OSBPL5: variants seen among roughly 807,000 people sequenced by gnomAD.
The protein encoded by OSBPL5 is oxysterol binding protein like 5, also known as oxysterol-binding protein-related protein 5.
A neutral mutation model predicts 111.2 loss-of-function variants in OSBPL5; 71 were observed. The observed-to-expected ratio is 0.64, with a 90% CI of 0.53 to 0.78. The LOEUF is 0.78. OSBPL5 is among the 30% of genes least tolerant of loss of function. The pLI is 0.00. For missense variants in OSBPL5, 1,210 were observed against 1,189.3 expected, an observed-to-expected ratio of 1.02 and a Z score of -0.26; for synonymous variants, 549 against 513.9, an observed-to-expected ratio of 1.07 and a Z score of -0.93.
At chr11:3,114,029 G>A (rs902450697) in intron 7 of OSBPL5, among the ~76,000 whole-genome samples, 4 of 152,002 alleles carry the variant, frequency 2.6e-5, no homozygotes, top group Admixed American at 6.6e-5. Context: ...AATGTAATAG[G>A]ACAAATACTT....
rs1857588723 is a variant in OSBPL5 at position 3,103,853 on chromosome 11, AGT to A, written c.1244+338_1244+339del. ...CTTCCAGCCTCTGCAGCCCCTTTCC[AGT>A]CTGCGCAGCCCCCTTCCTGCCTCTG... On this transcript the variant is annotated intron_variant, in intron 10 of 21. Coordinates refer to ENST00000263650, the MANE Select transcript of OSBPL5 (RefSeq NM_020896.4). Among the ~76,000 whole-genome samples, 2 of 48,794 alleles carry A rather than the reference AGT, an allele frequency of 4.1e-5. 1 individual carries two copies. The highest frequency in any genetic ancestry group is 4.4e-4 in the Admixed American group (2 of 4,504). 32.0% of individuals were successfully genotyped at this position (48,794 alleles called of 152,430 possible).
At position 3,161,585 on chromosome 11, in the gene OSBPL5, C is replaced by G. The variant is rs1846968659; in HGVS notation, c.-22+3631G>C. ...CAGCCCCTGGGAAGAGAGCCCGGAG[C>G]AGACTTGCAGGCAACCGTGCATGGG... On this transcript the variant is annotated intron_variant, in intron 1 of 21. Transcript: ENST00000263650. This position sits in a 1 kb window ranked among gnomAD's most constrained non-coding sequence, Gnocchi z 8.0. Among the ~76,000 whole-genome samples the G allele has an allele frequency of 6.6e-6, 1 of 152,210 alleles. No individual in the cohort carries two copies. The highest frequency in any genetic ancestry group is 1.5e-5 in the Non-Finnish European group (1 of 68,036).
chr11:3,125,563 T>C (rs941523239), intron 3 of OSBPL5, among the ~76,000 whole-genome samples: 1 of 152,174 alleles, frequency 6.6e-6, no homozygotes, highest in African/African-American at 2.4e-5. Context: ...CCCAGCACTT[T>C]GGGAGGCCGA....
At chr11:3,149,309 G>A (rs1386882082) in intron 1 of OSBPL5, among the ~76,000 whole-genome samples, 1 of 152,078 alleles carries the variant, frequency 6.6e-6, no homozygotes, top group Non-Finnish European at 1.5e-5. Context: ...GGCATGGGCT[G>A]GGGGGGCAGT....
At position 3,103,282 on chromosome 11, in the gene OSBPL5, A is replaced by G. The variant is rs891431344; in HGVS notation, c.1283T>C (p.Leu428Pro). The G allele has an allele frequency of 1.2e-6, 2 of 1,608,618 alleles. No individual in the cohort carries two copies. The highest frequency in any genetic ancestry group is 1.7e-6 in the Non-Finnish European group (2 of 1,177,636). ...GCCAGACAGGTACCACCGCAGCACC[A>G]GCTTCATGCGGCTGTAGGCATCCTC... ...VEEDAYSRMK[L>P]VLRWYLSGFY... is the part of the protein sequence containing the mutation. Residue 428 changes from leucine to proline, a missense_variant, in exon 11 of 22, where the codon CTG becomes CCG. Leu to Pro is a moderately conservative substitution (Grantham distance 98). Coordinates refer to ENST00000263650, the MANE Select transcript of OSBPL5 (RefSeq NM_020896.4).
At position 3,103,319 on chromosome 11, in the gene OSBPL5, C is replaced by T; in HGVS notation, c.1246G>A (p.Ala416Thr). The change falls in exon 11 of 22, where the codon GCT becomes ACT. Residue 416 changes from alanine to threonine, a missense_variant and splice_region_variant. Coordinates refer to ENST00000263650, the MANE Select transcript of OSBPL5 (RefSeq NM_020896.4). ...CTGTAGGCATCCTCCTCCACCGCAG[C>T]CCTGCCATGGGGCAGGAGAACGCTG... ...YYYHADLLSR[A>T]AVEEDAYSRM... The T allele has an allele frequency of 6.2e-7, 1 of 1,604,198 alleles. No individual in the cohort carries two copies. Among genetic ancestry groups the T allele is most frequent in the Non-Finnish European group, 8.5e-7 (1 of 1,175,132 alleles).
chr11:3,119,577 G>C lies in OSBPL5; in HGVS notation c.661C>G (p.Leu221Val). The change falls in exon 7 of 22, where the codon CTG becomes GTG. Residue 221 changes from leucine (L) to valine (V), a missense_variant. Transcript: ENST00000263650. ...SITQPLPSSY[L>V]IFRAASESDG... is the part of the protein sequence containing the mutation. ...GACTCGGAGGCGGCCCTGAAGATCA[G>C]GTAGCTGCTGGGCAGGGGCTGTGTG... The C allele has an allele frequency of 6.3e-7, 1 of 1,579,024 alleles. No homozygotes were observed. The highest frequency in any genetic ancestry group is 8.6e-7 in the Non-Finnish European group (1 of 1,167,238).
At chr11:3,090,341 C>T (rs376854095) in intron 20 of OSBPL5, among the ~76,000 whole-genome samples, 42 of 152,172 alleles carry the variant, frequency 2.8e-4, no homozygotes, top group African/African-American at 1.0e-3. Flanking sequence ...TCCCTTTCTT[C>T]CCCACCCCCA....
intron 19 of OSBPL5, 49 bp from the exon 20 acceptor site, chr11:3,090,745 C>T (rs1387538201): frequency 1.9e-6 from 3 of 1,551,658 alleles, no homozygotes; most frequent in East Asian, 4.7e-5. Context: ...ACGCCCCCTG[C>T]CCAGGCCCCA....
chr11:3,098,042 C>T (rs1239240026), intron 14 of OSBPL5, among the ~76,000 whole-genome samples: 2 of 151,890 alleles, frequency 1.3e-5, no homozygotes, highest in Non-Finnish European at 2.9e-5. Flanking sequence ...CACTCCAGCC[C>T]GGGCAACAAG....
At chr11:3,134,987 T>A (rs1292670819) in intron 1 of OSBPL5, among the ~76,000 whole-genome samples, 1 of 152,154 alleles carries the variant, frequency 6.6e-6, no homozygotes, top group East Asian at 1.9e-4. Context: ...GGCCCCCCTT[T>A]CTCTGCACCC....
At chr11:3,125,588 G>A (rs1012270903) in intron 3 of OSBPL5, among the ~76,000 whole-genome samples, 1 of 152,164 alleles carries the variant, frequency 6.6e-6, no homozygotes, top group Non-Finnish European at 1.5e-5. Flanking sequence ...GGTGGATCAT[G>A]AGGTCAGGAG....
In OSBPL5 at chr11:3,088,316, C is replaced by G. The variant is rs139072483; in HGVS notation, c.2529G>C (p.Thr843=). The change falls in exon 22 of 22, where the codon ACG becomes ACC. Residue 843 remains threonine, a synonymous_variant. Transcript: ENST00000263650. The stretch of plus-strand genomic sequence containing the variant: ...GGGTCGGTGCCTGTGCTGCCCGTGC[C>G]GTGGAGCTCAGCATGGCCGAGAGGT... ...HRHLSAMLSS[T]ARAAQAPTPG... 6.3e-7 allele frequency: 1 copy of G among 1,596,738 alleles called. No homozygotes were observed. Among genetic ancestry groups the G allele is most frequent in the Non-Finnish European group, 8.5e-7 (1 of 1,173,106 alleles).
intron 7 of OSBPL5, 88 bp downstream of exon 7, chr11:3,119,459 G>C: frequency 7.4e-7 from 1 of 1,344,794 alleles, no homozygotes; most frequent in East Asian, 2.7e-5. Context: ...GACTGAACTG[G>C]GGCCACCTGT....
intron 1 of OSBPL5, among the ~76,000 whole-genome samples, chr11:3,157,025 C>A (rs559512371): frequency 1.2e-4 from 19 of 152,370 alleles, no homozygotes; most frequent in African/African-American, 4.6e-4. Flanking sequence ...TCGGGGCCCC[C>A]AAGGGCAGCA....
In OSBPL5 at chr11:3,165,179, CGCCGCCCTGCCGCCCCCCGG is replaced by C. The variant is rs1471728951; in HGVS notation, c.-22+17_-22+36del. ...GATCCTTCCCAGCCCGCCATCCCCC[CGCCGCCCTGCCGCCCCCCGG>C]GCCGCCGCGCTCCTACCTCCTACCG... On this transcript the variant is annotated intron_variant, in intron 1 of 21. Coordinates refer to ENST00000263650, the MANE Select transcript of OSBPL5 (RefSeq NM_020896.4). The surrounding 1 kb of genome is among the most constrained non-coding windows in gnomAD (Gnocchi z 7.4). 1 of 143,658 alleles carries C rather than the reference CGCCGCCCTGCCGCCCCCCGG, an allele frequency of 7.0e-6. No individual in the cohort carries two copies. Among genetic ancestry groups the C allele is most frequent in the South Asian group, 2.1e-4 (1 of 4,786 alleles). 8.9% of individuals were successfully genotyped at this position (143,658 alleles called of 1,614,324 possible). A position where few individuals can be genotyped will look rare whatever the true frequency, so the allele number is the denominator to read the frequency against.
rs1390907330 is a variant in OSBPL5, at chr11:3,131,705, T to TCCATCCATCCTC, written c.-21-2537_-21-2536insGAGGATGGATGG. Among the ~76,000 whole-genome samples, 639 of 119,208 alleles carry TCCATCCATCCTC rather than the reference T, an allele frequency of 5.4e-3. 7 individuals are homozygous for TCCATCCATCCTC. Among genetic ancestry groups the TCCATCCATCCTC allele is most frequent in the African/African-American group, 9.1e-3 (260 of 28,592 alleles). The allele number at this position is 119,208 out of a possible 152,430, so 78.2% of individuals were successfully genotyped here. A position where few individuals can be genotyped will look rare whatever the true frequency, so the allele number is the denominator to read the frequency against. On this transcript the variant is annotated intron_variant, in intron 1 of 21. Coordinates refer to ENST00000263650, the MANE Select transcript of OSBPL5 (RefSeq NM_020896.4). ...ACCCACCCACCCATTCATCTATCCA[T>TCCATCCATCCTC]CCATCCATCCATCCATCCATCCATC...
chr11:3,154,072 A>C lies in OSBPL5; in HGVS notation c.-22+11144T>G, dbSNP rs1846674450. On this transcript the variant is annotated intron_variant, in intron 1 of 21. Transcript: ENST00000263650. This position sits in a 1 kb window ranked among gnomAD's most constrained non-coding sequence, Gnocchi z 4.9. ...TGTGCCCGGGAAACACATGGCATTCAAACCGCCGCTGGTGTGTGGCCCCTT... is the reference window on the plus strand; with the variant it reads ...TGTGCCCGGGAAACACATGGCATTCCAACCGCCGCTGGTGTGTGGCCCCTT... Among the ~76,000 whole-genome samples, 1 of 152,242 alleles carries C rather than the reference A, an allele frequency of 6.6e-6. No individual in the cohort carries two copies. The highest frequency in any genetic ancestry group is 2.1e-4 in the South Asian group (1 of 4,834).
rs73415994 is a variant in OSBPL5 at position 3,149,768 on chromosome 11, G to A, written c.-22+15448C>T. Reference sequence around the variant, plus strand: ...ACCCCCCCGTCACTGACCAGTCAACGGGTGGTCACCGCCCTGGCAGGCACC... The same window carrying A: ...ACCCCCCCGTCACTGACCAGTCAACAGGTGGTCACCGCCCTGGCAGGCACC... On this transcript the variant is annotated intron_variant, in intron 1 of 21. Coordinates refer to ENST00000263650, the MANE Select transcript of OSBPL5 (RefSeq NM_020896.4). 5.7e-3 allele frequency among the ~76,000 whole-genome samples: 873 copies of A among 152,278 alleles called. 11 individuals are homozygous for A. The highest frequency in any genetic ancestry group is 0.04 in the South Asian group (191 of 4,816).
Sources: gnomAD v4.1 joint callset for allele counts (sites outside exome capture counted in the v4.1 genomes callset) on GRCh38, gnomAD v4.1.1 for gene constraint, Gnocchi (gnomAD v3.1) non-coding constraint, MANE v1.5 for transcripts, NCBI Gene and HGNC (gene_info 2026-07-23, HGNC 2026-07-21) for gene names.